TRIM2: variants seen among roughly 807,000 people sequenced by gnomAD.
The protein encoded by TRIM2 is tripartite motif-containing protein 2.
Under a neutral mutation model 75.2 loss-of-function variants are expected in TRIM2, and 20 were observed. The observed-to-expected ratio is 0.27, with a 90% CI of 0.19 to 0.39. The LOEUF (loss-of-function observed/expected upper bound fraction) is 0.39, where lower values mean the gene tolerates loss of function less well. TRIM2 is among the 10% of genes least tolerant of loss of function. The pLI, the probability that TRIM2 is intolerant of heterozygous loss-of-function variation, is 1.00. For missense variants in TRIM2, 660 were observed against 990.8 expected, an observed-to-expected ratio of 0.67 and a Z score of 4.48; for synonymous variants, 373 against 388.3, an observed-to-expected ratio of 0.96 and a Z score of 0.46.
chr4:153,324,501 CT>C (rs1369953277), intron 10 of TRIM2: 2 of 205,598 alleles, frequency 9.7e-6, no homozygotes, highest in African/African-American at 4.8e-5. Context: ...TTTTCCGCAT[CT>C]TTTTGTTAAA....
At chr4:153,322,902 G>A (rs573776780) in intron 9 of TRIM2, 86 bp downstream of exon 9, 38 of 1,518,948 alleles carry the variant, frequency 2.5e-5, no homozygotes, top group South Asian at 2.4e-4. Context: ...TGAAGACACC[G>A]CATCCCTAGT....
chr4:153,256,929 T>TTTGTTTGTTTG (rs1314383422), intron 1 of TRIM2, among the ~76,000 whole-genome samples: 10 of 132,746 alleles, frequency 7.5e-5, no homozygotes, highest in Non-Finnish European at 1.4e-4. Flanking sequence ...TTGTTTGTTT[T>TTTGTTTGTTTG]TTGCATTTAA....
intron 3 of TRIM2, among the ~76,000 whole-genome samples, chr4:153,292,365 AT>A (rs1351168495): frequency 3.9e-5 from 6 of 152,336 alleles, no homozygotes; most frequent in African/African-American, 1.4e-4. Context: ...CATTATTCAC[AT>A]TAACATTTAA....
intron 6 of TRIM2, among the ~76,000 whole-genome samples, chr4:153,314,250 C>T (rs1457285965): frequency 1.0e-4 from 15 of 144,492 alleles, no homozygotes; most frequent in Admixed American, 1.0e-3. Context: ...GAAACCCTGT[C>T]TCTACTAAAA....
At chr4:153,165,220 A>G (rs749126319) in intron 1 of TRIM2, among the ~76,000 whole-genome samples, 3 of 152,166 alleles carry the variant, frequency 2.0e-5, no homozygotes, top group Non-Finnish European at 4.4e-5. Flanking sequence ...CTAGAACCCC[A>G]TATCTTTTCC....
At position 153,244,156 on chromosome 4, in the gene TRIM2, C is replaced by G. The variant is rs914176923; in HGVS notation, c.31-26179C>G. Among the ~76,000 whole-genome samples, 78 of 141,152 alleles carry G rather than the reference C, an allele frequency of 5.5e-4. 4 individuals carry two copies. The highest frequency in any genetic ancestry group is 2.1e-3 in the African/African-American group (73 of 35,416). 92.6% of individuals were successfully genotyped at this position (141,152 alleles called of 152,430 possible). A position where few individuals can be genotyped will look rare whatever the true frequency, so the allele number is the denominator to read the frequency against. On this transcript the variant is annotated intron_variant, in intron 1 of 11. Coordinates refer to ENST00000338700, the MANE Select transcript of TRIM2 (RefSeq NM_015271.5). The stretch of plus-strand genomic sequence containing the variant: ...TCTTCTTCTTCTTGTTCTTCTTGTT[C>G]TTCTTCTTCTTCTTCTTCTTCTTCT...
At chr4:153,217,907 T>A (rs1352836606) in intron 1 of TRIM2, among the ~76,000 whole-genome samples, 3 of 152,224 alleles carry the variant, frequency 2.0e-5, no homozygotes, top group Non-Finnish European at 2.9e-5. Flanking sequence ...TAGTAATGGT[T>A]AATGATCATA....
rs1011729966 is a variant in TRIM2 at position 153,205,357 on chromosome 4, G to T, written c.30+797G>T. 2.0e-5 allele frequency among the ~76,000 whole-genome samples: 3 copies of T among 152,154 alleles called. No individual in the cohort carries two copies. In the East Asian group the frequency reaches 5.8e-4, roughly 29 times the overall value. On this transcript the variant is annotated intron_variant, in intron 1 of 11. Transcript: ENST00000338700. ...TCTTTGGTGCCTGCTTTATCTCTTG[G>T]CTGGCCCATTCGGTGCTCAGTGAGG... is the stretch of plus-strand genomic sequence containing the variant.
intron 1 of TRIM2, among the ~76,000 whole-genome samples, chr4:153,231,515 A>G (rs1299310530): frequency 6.6e-6 from 1 of 152,204 alleles, no homozygotes; most frequent in Non-Finnish European, 1.5e-5. Context: ...GACAGGGATT[A>G]GGAGCCAGAC....
At chr4:153,314,070 C>T (rs1357127235) in intron 6 of TRIM2, among the ~76,000 whole-genome samples, 2 of 152,142 alleles carry the variant, frequency 1.3e-5, no homozygotes, top group African/African-American at 4.8e-5. Flanking sequence ...TTTACATCAT[C>T]CTATTGAAAT....
At chr4:153,323,469 CTGTTGTTT>C (rs924308579) in intron 9 of TRIM2, among the ~76,000 whole-genome samples, 1 of 151,652 alleles carries the variant, frequency 6.6e-6, no homozygotes, top group Non-Finnish European at 1.5e-5. Context: ...TGTGGGTTTT[CTGTTGTTT>C]TGTTTTGTTT....
chr4:153,203,517 T>C (rs573858589), upstream of TRIM2, among the ~76,000 whole-genome samples: 16 of 150,662 alleles, frequency 1.1e-4, 1 homozygote, highest in South Asian at 2.9e-3. Context: ...TCTAAAGATG[T>C]ACCAATCTTG....
chr4:153,165,690 G>T (rs1486097406), intron 1 of TRIM2, among the ~76,000 whole-genome samples: 1 of 152,098 alleles, frequency 6.6e-6, no homozygotes, highest in Non-Finnish European at 1.5e-5. Context: ...AATTTTGTAG[G>T]TGACTCCATG....
Position 153,244,159 on chromosome 4 carries a change from C to CTTG in TRIM2, c.31-26174_31-26173insGTT, listed in dbSNP as rs200074512. ...TCTTCTTCTTGTTCTTCTTGTTCTT[C>CTTG]TTCTTCTTCTTCTTCTTCTTCTCCT... On this transcript the variant is annotated intron_variant, in intron 1 of 11. Coordinates refer to ENST00000338700, the MANE Select transcript of TRIM2 (RefSeq NM_015271.5). Among the ~76,000 whole-genome samples the CTTG allele has an allele frequency of 4.8e-5, 7 of 144,400 alleles. No homozygotes were observed. The East Asian group carries it at 1.3e-3, about 26-fold the overall frequency. 94.7% of individuals were successfully genotyped at this position (144,400 alleles called of 152,430 possible).
At chr4:153,311,235 C>T (rs1488629792) in intron 6 of TRIM2, among the ~76,000 whole-genome samples, 1 of 152,156 alleles carries the variant, frequency 6.6e-6, no homozygotes, top group Admixed American at 6.5e-5. Context: ...AGTGTTAGTA[C>T]TTTTTCCTCA....
intron 1 of TRIM2, among the ~76,000 whole-genome samples, chr4:153,177,560 C>G (rs899503064): frequency 1.3e-5 from 2 of 151,934 alleles, no homozygotes; most frequent in African/African-American, 4.8e-5. Flanking sequence ...GCAGGAGAAT[C>G]ACTTGAACCT....
chr4:153,185,778 T>TGAG (rs1406141163), intron 1 of TRIM2, among the ~76,000 whole-genome samples: 1 of 152,196 alleles, frequency 6.6e-6, no homozygotes, highest in African/African-American at 2.4e-5. Flanking sequence ...AGAGGTTCCA[T>TGAG]GAGGAGCACT....
At chr4:153,255,725 G>C (rs957892074) in intron 1 of TRIM2, among the ~76,000 whole-genome samples, 1 of 152,182 alleles carries the variant, frequency 6.6e-6, no homozygotes, top group Non-Finnish European at 1.5e-5. Context: ...ATGAACAGAT[G>C]AACAAAATGT....
chr4:153,243,807 CTTTTT>C (rs34997724), intron 1 of TRIM2, among the ~76,000 whole-genome samples: 2 of 117,478 alleles, frequency 1.7e-5, no homozygotes, highest in African/African-American at 7.3e-5. Flanking sequence ...CCTCCCCCTC[CTTTTT>C]TTTTTTCCCC....
Sources: allele counts gnomAD v4.1 joint callset (sites outside exome capture counted in the v4.1 genomes callset), GRCh38; gene constraint gnomAD v4.1.1; transcripts MANE v1.5; gene names NCBI Gene and HGNC (gene_info 2026-07-23, HGNC 2026-07-21).